The following LYRM4 variants were observed in gnomAD, a reference collection of about 807,000 sequenced individuals.
LYRM4 encodes LYR motif containing 4.
In LYRM4, 9 loss-of-function variants were observed where a neutral mutation model predicts 11.7. That is an observed-to-expected ratio of 0.77 (90% CI 0.46 to 1.34). LYRM4 has a LOEUF of 1.34. LYRM4 is among the 40% of genes most tolerant of loss of function. The pLI is 0.00. For synonymous variants in LYRM4, 42 were observed against 40.4 expected (o/e 1.04, Z -0.15); for missense variants, 133 against 112.5 (o/e 1.18, Z -0.82).
intron 2 of LYRM4, among the ~76,000 whole-genome samples, chr6:5,214,506 C>T (rs907810640): frequency 2.6e-5 from 4 of 152,218 alleles, no homozygotes; most frequent in Non-Finnish European, 4.4e-5. Flanking sequence ...GGCAGTGGCC[C>T]GATCTTTCTT....
chr6:5,214,570 G>A (rs1762161944), intron 2 of LYRM4, among the ~76,000 whole-genome samples: 1 of 152,164 alleles, frequency 6.6e-6, no homozygotes, highest in African/African-American at 2.4e-5. Context: ...TGTGTGGGGT[G>A]GAGTAGGGGC....
intron 2 of LYRM4, among the ~76,000 whole-genome samples, chr6:5,178,642 T>C (rs1275954815): frequency 2.0e-5 from 3 of 150,758 alleles, no homozygotes; most frequent in Non-Finnish European, 4.4e-5. Flanking sequence ...GGTGAAACCC[T>C]GTCTCTATAA....
intron 2 of LYRM4, among the ~76,000 whole-genome samples, chr6:5,147,775 C>T (rs145435456): frequency 3.5e-5 from 4 of 115,594 alleles, no homozygotes; most frequent in African/African-American, 1.1e-4. Context: ...ACGTGGTCCA[C>T]GGCAGGGTGA....
At chr6:5,136,791 C>A in intron 2 of LYRM4, 1 of 985,364 alleles carries the variant, frequency 1.0e-6, no homozygotes, top group Non-Finnish European at 1.2e-6. Context: ...CAGAGGGCTC[C>A]GCACAGAAGA....
At chr6:5,237,062 G>T (rs1257335265) in intron 1 of LYRM4, among the ~76,000 whole-genome samples, 2 of 152,204 alleles carry the variant, frequency 1.3e-5, no homozygotes, top group African/African-American at 4.8e-5. Context: ...TCAAGGTAAA[G>T]AATTGGCTTT....
At chr6:5,078,051 T>TA in the LYRM4 span, among the ~76,000 whole-genome samples, 1 of 152,168 alleles carries the variant, frequency 6.6e-6, no homozygotes, top group African/African-American at 2.4e-5. Flanking sequence ...ACCTACAAGT[T>TA]ACAATGAGAC....
intron 2 of LYRM4, among the ~76,000 whole-genome samples, chr6:5,170,140 T>G (rs78814440): frequency 0.014 from 2,119 of 152,334 alleles, 42 homozygotes; most frequent in African/African-American, 0.046. Flanking sequence ...CCTGGCATCT[T>G]TGGATGCCAA....
chr6:5,252,205 C>T lies in LYRM4; in HGVS notation c.86+8443G>A, dbSNP rs1450980634. Among the ~76,000 whole-genome samples the T allele has an allele frequency of 2.6e-5, 4 of 152,252 alleles. No individual in the cohort carries two copies. The East Asian group carries it at 5.8e-4, about 22-fold the overall frequency. The stretch of plus-strand genomic sequence containing the variant: ...CAGGTTGATGTTTCTACAGATTTTG[C>T]AGGCTTATTCACAGGATGCATGGGT... On this transcript the variant is annotated intron_variant, in intron 1 of 2. Coordinates refer to ENST00000330636, the MANE Select transcript of LYRM4 (RefSeq NM_020408.6).
intron 2 of LYRM4, among the ~76,000 whole-genome samples, chr6:5,128,525 C>G (rs9328287): frequency 0.018 from 2,816 of 152,258 alleles, 93 homozygotes; most frequent in African/African-American, 0.064. Context: ...TAAAAAGGAG[C>G]CACCTTTAAC....
At chr6:5,036,480 C>T in the LYRM4 span, among the ~76,000 whole-genome samples, 3 of 152,190 alleles carry the variant, frequency 2.0e-5, no homozygotes, top group Non-Finnish European at 4.4e-5. Flanking sequence ...GCATGTGCTG[C>T]TCCAGGAGCT....
chr6:5,170,896 C>A (rs946903057), intron 2 of LYRM4, among the ~76,000 whole-genome samples: 24 of 152,320 alleles, frequency 1.6e-4, no homozygotes, highest in Admixed American at 1.6e-3. Flanking sequence ...ACCTAACGGT[C>A]CACCATTAGG....
At chr6:5,066,132 C>T in the LYRM4 span, 2 of 554,430 alleles carry the variant, frequency 3.6e-6, no homozygotes, top group Non-Finnish European at 6.9e-6. Flanking sequence ...ATTCCCTACA[C>T]TTTGGGTTTT....
intron 2 of LYRM4, chr6:5,136,168 G>T: frequency 2.1e-6 from 1 of 481,992 alleles, no homozygotes; most frequent in Non-Finnish European, 2.7e-6. Context: ...ACACTGGGTT[G>T]CTGTTGTGAA....
chr6:5,244,726 G>A (rs72813614), intron 1 of LYRM4, among the ~76,000 whole-genome samples: 3,230 of 152,030 alleles, frequency 0.021, 61 homozygotes, highest in Non-Finnish European at 0.034. Context: ...GTGACGATGT[G>A]GGCAGATGGG....
chr6:5,157,186 C>G (rs6917194), intron 2 of LYRM4, among the ~76,000 whole-genome samples: 45,174 of 152,064 alleles, frequency 0.3, 6,909 homozygotes, highest in Middle Eastern at 0.36. Flanking sequence ...AGCGAAAGCA[C>G]TCAACGCAAA....
chr6:5,171,083 TTATC>T (rs1169122918), intron 2 of LYRM4, among the ~76,000 whole-genome samples: 2 of 152,236 alleles, frequency 1.3e-5, no homozygotes, highest in African/African-American at 2.4e-5. Context: ...GCATTCATAT[TTATC>T]TATCTGTGGA....
the LYRM4 span, among the ~76,000 whole-genome samples, chr6:5,055,051 T>A: frequency 6.6e-6 from 1 of 152,214 alleles, no homozygotes; most frequent in African/African-American, 2.4e-5. The surrounding 1 kb of genome is among the most constrained non-coding windows in gnomAD (Gnocchi z 4.5). Context: ...TGAAACCTGC[T>A]ATTTGGAGGC....
the LYRM4 span, chr6:5,066,832 G>T: frequency 1.3e-6 from 1 of 788,868 alleles, no homozygotes; most frequent in Non-Finnish European, 2.2e-6. Flanking sequence ...TCCGGCCACA[G>T]CTGCGGAGAG....
At chr6:5,049,450 T>A in the LYRM4 span, among the ~76,000 whole-genome samples, 497 of 152,292 alleles carry the variant, frequency 3.3e-3, 2 homozygotes, top group African/African-American at 0.012. Flanking sequence ...CAGGAAACCA[T>A]GCCATGACAA....
Sources: gnomAD v4.1 joint callset for allele counts (sites outside exome capture counted in the v4.1 genomes callset) on GRCh38, gnomAD v4.1.1 for gene constraint, Gnocchi (gnomAD v3.1) non-coding constraint, MANE v1.5 for transcripts, NCBI Gene and HGNC (gene_info 2026-07-23, HGNC 2026-07-21) for gene names.